SLC13A3: variants seen among roughly 807,000 people sequenced by gnomAD.
The protein encoded by SLC13A3 is Na(+)/dicarboxylate cotransporter 3.
In SLC13A3, 40 loss-of-function variants were observed where a neutral mutation model predicts 59.0. The observed-to-expected ratio is 0.68, with a 90% CI of 0.53 to 0.88. The LOEUF is 0.88. Ranked by LOEUF, SLC13A3 falls within the 40% of genes least tolerant of loss-of-function variation. The pLI is 0.00. For missense variants in SLC13A3, 699 were observed against 783.2 expected, an observed-to-expected ratio of 0.89 and a Z score of 1.28; for synonymous variants, 317 against 330.3, an observed-to-expected ratio of 0.96 and a Z score of 0.44.
chr20:46,573,000 G>T (rs1480118276), intron 10 of SLC13A3, among the ~76,000 whole-genome samples: 2 of 152,142 alleles, frequency 1.3e-5, no homozygotes, highest in Non-Finnish European at 2.9e-5. Flanking sequence ...TCTTACCTCT[G>T]CTACTAATGA....
At chr20:46,676,411 CTT>C (rs543970617) in intron 1 of SLC13A3, among the ~76,000 whole-genome samples, 7 of 108,516 alleles carry the variant, frequency 6.5e-5, no homozygotes, top group East Asian at 2.9e-4. Context: ...TCTCTCAACT[CTT>C]TTTTTTTTTT....
In SLC13A3 at chr20:46,596,328, C is replaced by T. The variant is rs147255591; in HGVS notation, c.623G>A (p.Gly208Glu). 4.0e-4 allele frequency: 644 copies of T among 1,613,906 alleles called. No individual in the cohort carries two copies. Among genetic ancestry groups the T allele is most frequent in the Non-Finnish European group, 5.3e-4 (625 of 1,179,972 alleles). Residue 208 changes from glycine to glutamate, a missense_variant, in exon 5 of 13, where the codon GGG (glycine) becomes GAG (glutamate). Transcript: ENST00000279027. Reference protein sequence around the residue: ...LASTEAKDHPGETEVPLDLPA... With the variant: ...LASTEAKDHPEETEVPLDLPA... Reference sequence around the variant, plus strand: ...CAGATCCAGTGGAACCTCTGTCTCCCCAGGGTGGTCTTTGCTTTAAACAAA... The same window carrying T: ...CAGATCCAGTGGAACCTCTGTCTCCTCAGGGTGGTCTTTGCTTTAAACAAA...
intron 1 of SLC13A3, among the ~76,000 whole-genome samples, chr20:46,618,776 G>C (rs886700582): frequency 1.3e-5 from 2 of 152,124 alleles, no homozygotes; most frequent in Non-Finnish European, 2.9e-5. Flanking sequence ...TAGCCCAAAT[G>C]GACTAAGACA....
intron 3 of SLC13A3, among the ~76,000 whole-genome samples, chr20:46,600,407 G>GAAGGA (rs1224108877): frequency 2.8e-5 from 4 of 143,604 alleles, no homozygotes; most frequent in Non-Finnish European, 3.1e-5. Context: ...AGAAAGAAAG[G>GAAGGA]AGGAAGGAAG....
At chr20:46,624,597 T>C (rs2062649482) in intron 1 of SLC13A3, among the ~76,000 whole-genome samples, 1 of 152,084 alleles carries the variant, frequency 6.6e-6, no homozygotes, top group Non-Finnish European at 1.5e-5. Context: ...ATCCAATCAG[T>C]ATTAGGATGG....
At chr20:46,670,408 C>T (rs911087869), upstream of SLC13A3, among the ~76,000 whole-genome samples, 7 of 152,180 alleles carry the variant, frequency 4.6e-5, no homozygotes, top group Non-Finnish European at 1.0e-4. Context: ...GTATTCACAC[C>T]CTTGTGTAGT....
At chr20:46,674,767 C>A (rs1348547471), upstream of SLC13A3, among the ~76,000 whole-genome samples, 2 of 151,982 alleles carry the variant, frequency 1.3e-5, no homozygotes, top group Non-Finnish European at 2.9e-5. Flanking sequence ...CTACTAAATC[C>A]CAGGCACCAT....
chr20:46,585,244 G>A, intron 8 of SLC13A3: 2 of 966,798 alleles, frequency 2.1e-6, no homozygotes, highest in Non-Finnish European at 2.5e-6. Context: ...TTGTATGTGT[G>A]TATGTATGAA....
chr20:46,658,260 C>G (rs1345402178), intron 1 of SLC13A3, among the ~76,000 whole-genome samples: 2 of 152,024 alleles, frequency 1.3e-5, no homozygotes, highest in Non-Finnish European at 2.9e-5. Flanking sequence ...AAAAAAACTA[C>G]ATTCTGCATA....
chr20:46,588,235 C>T, intron 7 of SLC13A3, 72 bp from the exon 8 acceptor site: 3 of 892,990 alleles, frequency 3.4e-6, no homozygotes, highest in Non-Finnish European at 5.3e-6. Flanking sequence ...CAGGCTCAGG[C>T]AGCTGCCCAC....
Position 46,560,135 on chromosome 20 carries a change from A to C in SLC13A3, c.1696T>G (p.Trp566Gly). 6.2e-7 allele frequency: 1 copy of C among 1,614,204 alleles called. No homozygotes were observed. Among genetic ancestry groups the C allele is most frequent in the Non-Finnish European group, 8.5e-7 (1 of 1,180,030 alleles). ...VLLLSLAMNT[W>G]AQTIFQLGTF... ...CCCAGCTGGAAGATGGTCTGTGCCC[A>C]GGTATTCATAGCCAAACTGAGCAGC... The change falls in exon 13 of 13, where the codon TGG becomes GGG. Residue 566 changes from tryptophan (W) to glycine (G), a missense_variant. Physicochemically the swap from Trp to Gly is radical, Grantham distance 184 (BLOSUM62 -2). Transcript: ENST00000279027.
intron 2 of SLC13A3, among the ~76,000 whole-genome samples, chr20:46,611,316 T>C (rs1295978881): frequency 6.6e-6 from 1 of 152,196 alleles, no homozygotes; most frequent in Non-Finnish European, 1.5e-5. Flanking sequence ...TTTTAGAATA[T>C]GTTTAAGAGC....
At chr20:46,665,099 T>C (rs2063054647) in intron 1 of SLC13A3, among the ~76,000 whole-genome samples, 1 of 152,064 alleles carries the variant, frequency 6.6e-6, no homozygotes, top group Non-Finnish European at 1.5e-5. Flanking sequence ...TTCACCTGTT[T>C]AAAAGTGAAT....
In SLC13A3 at chr20:46,583,557, C is replaced by A; in HGVS notation, c.1219+15G>T. On this transcript the variant is annotated intron_variant, in intron 9 of 12. Coordinates refer to ENST00000279027, the MANE Select transcript of SLC13A3 (RefSeq NM_022829.6). ...CTCACTGAGCCCACCGAGACCCCAG[C>A]CTTGACCACCTTACCTTTGAAGTCA... is the stretch of plus-strand genomic sequence containing the variant. 1 of 1,613,554 alleles carries A rather than the reference C, an allele frequency of 6.2e-7. No individual in the cohort carries two copies. The highest frequency in any genetic ancestry group is 8.5e-7 in the Non-Finnish European group (1 of 1,179,816).
chr20:46,592,460 C>G lies in SLC13A3; in HGVS notation c.864G>C (p.Leu288Phe). Residue 288 changes from leucine to phenylalanine, a missense_variant, in exon 6 of 13, where the codon TTG becomes TTC. Physicochemically the swap from Leu to Phe is conservative, Grantham distance 22. Coordinates refer to ENST00000279027, the MANE Select transcript of SLC13A3 (RefSeq NM_022829.6). ...WFIFAFPLMLLFLLAGWLWIS... is the reference protein window; with the variant it reads ...WFIFAFPLMLFFLLAGWLWIS... ...TCCAGAGCCAGCCTGCCAACAGGAACAACAGCATAAGAGGGAAGGCGAAAA... is the reference window on the plus strand; with the variant it reads ...TCCAGAGCCAGCCTGCCAACAGGAAGAACAGCATAAGAGGGAAGGCGAAAA... 1.9e-6 allele frequency: 3 copies of G among 1,613,992 alleles called. No individual in the cohort carries two copies. The highest frequency in any genetic ancestry group is 2.5e-6 in the Non-Finnish European group (3 of 1,179,942).
intron 9 of SLC13A3, among the ~76,000 whole-genome samples, chr20:46,578,362 G>C (rs1437659116): frequency 6.6e-6 from 1 of 152,050 alleles, no homozygotes; most frequent in Admixed American, 6.6e-5. Flanking sequence ...TATTCCAGGG[G>C]GGAAGTCAGG....
chr20:46,601,711 A>T (rs1424663574), intron 3 of SLC13A3, among the ~76,000 whole-genome samples: 1 of 152,336 alleles, frequency 6.6e-6, no homozygotes, highest in East Asian at 1.9e-4. Flanking sequence ...GAGAAGGAAA[A>T]TTTGACTTTG....
rs764384685 is a variant in SLC13A3, at chr20:46,583,677, G to A, written c.1122-8C>T. 7.4e-6 allele frequency: 12 copies of A among 1,613,928 alleles called. No homozygotes were observed. Among genetic ancestry groups the A allele is most frequent in the Middle Eastern group, 3.3e-4 (2 of 6,082 alleles). On this transcript the variant is annotated splice_region_variant and splice_polypyrimidine_tract_variant and intron_variant, in intron 8 of 12. Transcript: ENST00000279027. ...ACAGCATCAGAAAGAAACCTACAAT[G>A]AGAAGGCCCCAAATCACGTGACCAT...
chr20:46,674,676 T>C (rs1238935062), upstream of SLC13A3, among the ~76,000 whole-genome samples: 2 of 150,250 alleles, frequency 1.3e-5, no homozygotes, highest in Non-Finnish European at 3.0e-5. Context: ...AAGGCTCACA[T>C]GGATCCTTGA....
Sources: allele counts gnomAD v4.1 joint callset (sites outside exome capture counted in the v4.1 genomes callset), GRCh38; gene constraint gnomAD v4.1.1; transcripts MANE v1.5; gene names NCBI Gene and HGNC (gene_info 2026-07-23, HGNC 2026-07-21).